RSRP1: variants seen among roughly 807,000 people sequenced by gnomAD.
RSRP1 encodes arginine/serine-rich protein 1.
Under a neutral mutation model 33.0 loss-of-function variants are expected in RSRP1, and 37 were observed. That is an observed-to-expected ratio of 1.12 (90% CI 0.86 to 1.48). The LOEUF (loss-of-function observed/expected upper bound fraction) is 1.48. Ranked by LOEUF, RSRP1 falls within the 40% of genes most tolerant of loss-of-function variation. The pLI is 0.00. For synonymous variants in RSRP1, 167 were observed against 158.7 expected (o/e 1.05, Z -0.40); for missense variants, 402 against 385.3 (o/e 1.04, Z -0.36).
chr1:25,258,394 G>T (rs963463428), intron 1 of RSRP1, among the ~76,000 whole-genome samples: 1 of 152,040 alleles, frequency 6.6e-6, no homozygotes, highest in Non-Finnish European at 1.5e-5. Flanking sequence ...TGGCCAGGCT[G>T]GTCTTGAACT....
intron 1 of RSRP1, among the ~76,000 whole-genome samples, chr1:25,261,128 C>T (rs1571541880): frequency 1.3e-5 from 2 of 152,066 alleles, no homozygotes; most frequent in East Asian, 3.9e-4. Flanking sequence ...GACACCAGTC[C>T]TATTAGATTA....
chr1:25,313,416 C>T (rs1644271605), intron 1 of RSRP1, among the ~76,000 whole-genome samples: 2 of 132,648 alleles, frequency 1.5e-5, no homozygotes, highest in South Asian at 4.6e-4. Context: ...TACAGTAAGT[C>T]TGTGCTTTTG....
intron 1 of RSRP1, among the ~76,000 whole-genome samples, chr1:25,323,927 CTCTT>C (rs1259090829): frequency 3.0e-5 from 3 of 100,834 alleles, no homozygotes; most frequent in Non-Finnish European, 6.5e-5. Flanking sequence ...CAGCCAATCT[CTCTT>C]TATCCCCTGC....
chr1:25,299,820 G>C (rs1353001600), intron 1 of RSRP1, among the ~76,000 whole-genome samples: 2 of 131,656 alleles, frequency 1.5e-5, no homozygotes, highest in African/African-American at 5.2e-5. Flanking sequence ...CGACATCTCA[G>C]CTCACTATAG....
intron 1 of RSRP1, among the ~76,000 whole-genome samples, chr1:25,278,994 T>C (rs1641247620): frequency 7.7e-6 from 1 of 129,178 alleles, no homozygotes; most frequent in African/African-American, 2.7e-5. Context: ...TGGGTGTGAC[T>C]TCAGAGCTGT....
chr1:25,259,793 C>T (rs1640071863), intron 1 of RSRP1, among the ~76,000 whole-genome samples: 1 of 152,020 alleles, frequency 6.6e-6, no homozygotes, highest in African/African-American at 2.4e-5. Flanking sequence ...TGTGAGCCAC[C>T]GTGCCCAGCC....
intron 1 of RSRP1, among the ~76,000 whole-genome samples, chr1:25,334,755 C>T (rs1418973990): frequency 7.5e-6 from 1 of 133,132 alleles, no homozygotes; most frequent in African/African-American, 2.6e-5. Context: ...GCTGTCAAGG[C>T]TTGGGGCTTG....
intron 1 of RSRP1, among the ~76,000 whole-genome samples, chr1:25,305,402 T>C (rs1643727232): frequency 7.9e-6 from 1 of 126,854 alleles, no homozygotes; most frequent in African/African-American, 2.7e-5. Flanking sequence ...ATTTATTTAT[T>C]TATTTATTTA....
At chr1:25,249,145 G>A (rs570837637), upstream of RSRP1, among the ~76,000 whole-genome samples, 6 of 152,214 alleles carry the variant, frequency 3.9e-5, no homozygotes, top group Middle Eastern at 3.4e-3. Flanking sequence ...GCAAAACTCC[G>A]TCTGGAAACA....
rs1270372282 is a variant in RSRP1 at position 25,297,936 on chromosome 1, G to A, written c.-67+40042C>T. On this transcript the variant is annotated intron_variant, in intron 1 of 1. Coordinates refer to the RSRP1 transcript ENST00000561867. ...CTATGAGAAGCCACTGAGATCCCAG[G>A]TAGTCTGTGCTCTCCATCTTTTGGC... Among the ~76,000 whole-genome samples, 7 of 131,452 alleles carry A rather than the reference G, an allele frequency of 5.3e-5. 2 individuals carry two copies. Among genetic ancestry groups the A allele is most frequent in the Non-Finnish European group, 1.1e-4 (6 of 55,696 alleles). The allele number at this position is 131,452 out of a possible 152,430, so 86.2% of individuals were successfully genotyped here.
intron 1 of RSRP1, among the ~76,000 whole-genome samples, chr1:25,260,355 A>G (rs1640093146): frequency 6.6e-6 from 1 of 152,258 alleles, no homozygotes; most frequent in African/African-American, 2.4e-5. Flanking sequence ...AATTTTTTCT[A>G]GGACTTTTAA....
rs561913308 is a variant in RSRP1, at chr1:25,297,549, A to G, written c.-67+40429T>C. On this transcript the variant is annotated intron_variant, in intron 1 of 1. Transcript: ENST00000561867. ...TAAATTAGTACTATAATAATTGCCA[A>G]TGGTGGTTTTCTAATTCCATCTTTC... Among the ~76,000 whole-genome samples, 314 of 129,354 alleles carry G rather than the reference A, an allele frequency of 2.4e-3. 80 individuals carry two copies. Among genetic ancestry groups the G allele is most frequent in the Non-Finnish European group, 4.6e-3 (253 of 55,016 alleles). 84.9% of individuals were successfully genotyped at this position (129,354 alleles called of 152,430 possible). A position where few individuals can be genotyped will look rare whatever the true frequency, so the allele number is the denominator to read the frequency against.
upstream of RSRP1, among the ~76,000 whole-genome samples, chr1:25,248,539 G>C (rs1226142432): frequency 6.6e-6 from 1 of 152,022 alleles, no homozygotes; most frequent in Non-Finnish European, 1.5e-5. Context: ...CCAACTCCTG[G>C]GCTCAAGCGA....
intron 1 of RSRP1, among the ~76,000 whole-genome samples, chr1:25,257,194 T>G (rs1639975869): frequency 6.6e-6 from 1 of 152,254 alleles, no homozygotes; most frequent in African/African-American, 2.4e-5. Context: ...CAGACAGGTT[T>G]TCCTCCAATT....
intron 1 of RSRP1, among the ~76,000 whole-genome samples, chr1:25,259,177 T>G (rs765564059): frequency 2.6e-5 from 4 of 152,080 alleles, no homozygotes; most frequent in Admixed American, 6.6e-5. Context: ...CACTGCAACC[T>G]CTGCCTCCTG....
At chr1:25,302,624 A>T (rs1643477254) in intron 1 of RSRP1, among the ~76,000 whole-genome samples, 1 of 129,948 alleles carries the variant, frequency 7.7e-6, no homozygotes, top group South Asian at 2.4e-4. Context: ...TGAAGGACAT[A>T]GCAGAGCTAT....
intron 1 of RSRP1, among the ~76,000 whole-genome samples, chr1:25,334,238 A>C (rs1645051294): frequency 7.6e-6 from 1 of 131,482 alleles, no homozygotes; most frequent in African/African-American, 2.6e-5. Flanking sequence ...TGGTCAAAAC[A>C]AAGAGGCTAC....
At chr1:25,305,583 TTTGTTGTTG>T (rs200713124) in intron 1 of RSRP1, among the ~76,000 whole-genome samples, 3,352 of 118,906 alleles carry the variant, frequency 0.028, 724 homozygotes, top group Non-Finnish European at 0.046. Context: ...GTGTATGTAT[TTTGTTGTTG>T]TTGTTGTTGT....
intron 1 of RSRP1, among the ~76,000 whole-genome samples, chr1:25,291,023 C>T (rs113383254): frequency 0.02 from 2,635 of 130,792 alleles, 361 homozygotes; most frequent in African/African-American, 0.063. Context: ...GTGGCATGCA[C>T]CTGTAGTCTC....
Sources: allele counts gnomAD v4.1 joint callset (sites outside exome capture counted in the v4.1 genomes callset), GRCh38; gene constraint gnomAD v4.1.1; transcripts MANE v1.5; gene names NCBI Gene and HGNC (gene_info 2026-07-23, HGNC 2026-07-21).